WNK2: variants seen among roughly 807,000 people sequenced by gnomAD.
WNK2 encodes the protein WNK lysine deficient protein kinase 2.
In WNK2, 67 loss-of-function variants were observed where a neutral mutation model predicts 192.1. The observed-to-expected ratio is 0.35, with a 90% CI of 0.29 to 0.43. WNK2 has a LOEUF of 0.43. Among genes scored for constraint, WNK2 ranks in the 20% least tolerant of loss-of-function variants. WNK2 has a pLI of 1.00. For synonymous variants in WNK2, 1,439 were observed against 1,393.9 expected (o/e 1.03, Z -0.72); for missense variants, 2,698 against 3,089.7 (o/e 0.87, Z 3.01).
chr9:93,312,615 T>C (rs1429027116), intron 28 of WNK2, among the ~76,000 whole-genome samples: 2 of 152,172 alleles, frequency 1.3e-5, no homozygotes, highest in African/African-American at 4.8e-5. Flanking sequence ...CTTGACCTCA[T>C]GATCCGCCCG....
intron 20 of WNK2, 97 bp downstream of exon 20, chr9:93,289,717 C>T: frequency 8.1e-7 from 1 of 1,242,082 alleles, no homozygotes; most frequent in Admixed American, 2.9e-5. Context: ...CTATGCAGAG[C>T]CGCCCTCACT....
At chr9:93,261,160 G>A (rs563880059) in intron 12 of WNK2, among the ~76,000 whole-genome samples, 2 of 152,312 alleles carry the variant, frequency 1.3e-5, no homozygotes, top group East Asian at 1.9e-4. Context: ...GCCAACAGAG[G>A]GTCTCAGGGC....
chr9:93,252,812 C>G, intron 8 of WNK2, 71 bp from the exon 9 acceptor site: 1 of 1,277,540 alleles, frequency 7.8e-7, no homozygotes. Context: ...AGAAAATATG[C>G]AGATGAGCCA....
At chr9:93,302,378 C>T (rs1192980632) in intron 26 of WNK2, among the ~76,000 whole-genome samples, 1 of 151,878 alleles carries the variant, frequency 6.6e-6, no homozygotes, top group Admixed American at 6.5e-5. Flanking sequence ...GGGGGTCGCG[C>T]TGCAAGTAGA....
chr9:93,244,661 G>A (rs117221583), intron 7 of WNK2, among the ~76,000 whole-genome samples: 408 of 152,262 alleles, frequency 2.7e-3, no homozygotes, highest in African/African-American at 9.1e-3. Context: ...ATATGACCCC[G>A]AGGCCACGTG....
intron 2 of WNK2, among the ~76,000 whole-genome samples, chr9:93,210,364 C>T (rs969962849): frequency 1.1e-4 from 17 of 152,144 alleles, no homozygotes; most frequent in African/African-American, 3.4e-4. Context: ...TGACTAGGAG[C>T]GCTGGCCACA....
chr9:93,273,399 C>A (rs1564144124), intron 19 of WNK2, among the ~76,000 whole-genome samples: 1 of 152,222 alleles, frequency 6.6e-6, no homozygotes, highest in Non-Finnish European at 1.5e-5. Context: ...CATGATCCAC[C>A]CGCCTCGGCC....
intron 3 of WNK2, 136 bp downstream of exon 3, chr9:93,230,004 C>T (rs867119503): frequency 2.7e-5 from 29 of 1,077,906 alleles, no homozygotes; most frequent in Middle Eastern, 5.9e-4. Context: ...TCCTCTCCTG[C>T]ATGGGATGCC....
At chr9:93,318,005 C>T in intron 29 of WNK2, 5 of 1,612,838 alleles carry the variant, frequency 3.1e-6, no homozygotes, top group Non-Finnish European at 4.2e-6. Flanking sequence ...TCCTTTGCGG[C>T]TTCAGACCCT....
intron 19 of WNK2, among the ~76,000 whole-genome samples, chr9:93,274,655 A>G (rs1054235482): frequency 1.3e-5 from 2 of 152,248 alleles, no homozygotes; most frequent in African/African-American, 2.4e-5. Context: ...AAATTAAACA[A>G]TTTAGGTGAA....
In WNK2 at chr9:93,268,061, G is replaced by A. The variant is rs1216190745; in HGVS notation, c.3909G>A (p.Gln1303=). Residue 1303 remains glutamine, a synonymous_variant, in exon 18 of 30, where the codon CAG becomes CAA. Coordinates refer to ENST00000427277, the MANE Select transcript of WNK2 (RefSeq NM_006648.4). ...AAGCCAACGCCCCCGTGTATCAGCA[G>A]AACGGTGAGTCTGCAACTTCCCTCC... is the stretch of plus-strand genomic sequence containing the variant. ...QSQANAPVYQ[Q]NVLHTGKRWF... The A allele has an allele frequency of 2.5e-6, 4 of 1,610,482 alleles. No individual in the cohort carries two copies. The African/African-American group carries it at 5.3e-5, about 22-fold the overall frequency.
chr9:93,318,417 C>T (rs36081907), intron 29 of WNK2: 174,564 of 1,613,946 alleles, frequency 0.11, 10,181 homozygotes, highest in African/African-American at 0.16. Context: ...GGCTGAGAGA[C>T]GGCGGGACGC....
chr9:93,318,122 G>A (rs1198724342), intron 29 of WNK2: 4 of 1,542,110 alleles, frequency 2.6e-6, no homozygotes, highest in Non-Finnish European at 3.5e-6. Context: ...ACAGTGCCTT[G>A]AATGCCAGCT....
intron 2 of WNK2, among the ~76,000 whole-genome samples, chr9:93,201,928 C>T (rs1175241548): frequency 6.6e-6 from 1 of 152,242 alleles, no homozygotes; most frequent in Non-Finnish European, 1.5e-5. Context: ...CGCTCCCACT[C>T]ACTGCAGGCC....
Position 93,193,339 on chromosome 9 carries a change from G to A in WNK2, c.681+7729G>A, listed in dbSNP as rs576885581. ...GTGTTAGCTGCCCTTCATGGCTGGG[G>A]GCTCTATTGAGAGAAATGTGTTTCA... On this transcript the variant is annotated intron_variant, in intron 2 of 29. Coordinates refer to ENST00000427277, the MANE Select transcript of WNK2 (RefSeq NM_006648.4). Among the ~76,000 whole-genome samples the A allele has an allele frequency of 2.0e-5, 3 of 152,296 alleles. 1 individual carries two copies. In the South Asian group the frequency reaches 6.2e-4, roughly 32 times the overall value.
intron 26 of WNK2, among the ~76,000 whole-genome samples, chr9:93,302,657 G>A (rs1286194946): frequency 1.3e-5 from 2 of 152,228 alleles, no homozygotes; most frequent in African/African-American, 4.8e-5. Context: ...GGCTGCGGGT[G>A]CCCAGGTGGC....
intron 16 of WNK2, among the ~76,000 whole-genome samples, chr9:93,265,100 C>G (rs1844942376): frequency 6.6e-6 from 1 of 152,230 alleles, no homozygotes; most frequent in African/African-American, 2.4e-5. Flanking sequence ...GATCCCAGGT[C>G]CAGAGCATAA....
intron 4 of WNK2, among the ~76,000 whole-genome samples, chr9:93,232,305 A>G (rs1838953762): frequency 6.6e-6 from 1 of 152,156 alleles, no homozygotes; most frequent in African/African-American, 2.4e-5. Context: ...AGCCTCTGGC[A>G]TTCTGGGGGA....
At chr9:93,256,679 G>A in intron 10 of WNK2, 1 of 666,236 alleles carries the variant, frequency 1.5e-6, no homozygotes, top group East Asian at 2.9e-5. Context: ...AGTGTTCGCA[G>A]TGCCCTGCAC....
Sources: gnomAD v4.1 joint callset for allele counts (sites outside exome capture counted in the v4.1 genomes callset) on GRCh38, gnomAD v4.1.1 for gene constraint, MANE v1.5 for transcripts, NCBI Gene and HGNC (gene_info 2026-07-23, HGNC 2026-07-21) for gene names.